Variants in MATK observed in about 807,000 individuals in gnomAD.
MATK encodes megakaryocyte-associated tyrosine-protein kinase.
A neutral mutation model predicts 59.8 loss-of-function variants in MATK; 41 were observed. The observed-to-expected ratio is 0.69, with a 90% CI of 0.53 to 0.89. MATK has a LOEUF of 0.89. Among genes scored for constraint, MATK ranks in the 40% least tolerant of loss-of-function variants. MATK has a pLI of 0.00. For synonymous variants in MATK, 308 were observed against 306.1 expected (o/e 1.01, Z -0.06); for missense variants, 593 against 719.6 (o/e 0.82, Z 2.01).
At chr19:3,790,757 C>T (rs938137398), upstream of MATK, among the ~76,000 whole-genome samples, 15 of 152,232 alleles carry the variant, frequency 9.9e-5, no homozygotes, top group Admixed American at 9.2e-4. Context: ...ACACACAACT[C>T]ATGTGGCACC....
At position 3,779,488 on chromosome 19, in the gene MATK, C is replaced by A. The variant is rs543443761; in HGVS notation, c.928-37G>T. 8.1e-6 allele frequency: 13 copies of A among 1,611,636 alleles called. No individual in the cohort carries two copies. In the African/African-American group the frequency reaches 1.6e-4, roughly 20 times the overall value. On this transcript the variant is annotated intron_variant, in intron 10 of 13. Coordinates refer to ENST00000310132, the MANE Select transcript of MATK (RefSeq NM_139355.3). ...GGGAGATGGCCGCGGGATGTTGGGG[C>A]TGCTCCGCTGCGTGGGCCCCCTCCC...
At chr19:3,784,922 G>T in intron 2 of MATK, 38 bp from the exon 3 acceptor site, 2 of 1,461,736 alleles carry the variant, frequency 1.4e-6, no homozygotes, top group East Asian at 4.9e-5. Flanking sequence ...AGCTGGGCTG[G>T]GACCCACGGT....
intron 7 of MATK, chr19:3,782,858 TG>T: frequency 2.1e-6 from 1 of 483,642 alleles, no homozygotes; most frequent in Non-Finnish European, 3.7e-6. Flanking sequence ...TGCTGGAGGA[TG>T]GGGTGGGTGG....
intron 1 of MATK, among the ~76,000 whole-genome samples, chr19:3,800,697 G>C (rs990265040): frequency 5.9e-5 from 9 of 152,206 alleles, no homozygotes; most frequent in Admixed American, 3.3e-4. Context: ...GTTCACAGTA[G>C]CTGATAATTT....
At chr19:3,782,654 G>A (rs1430021881) in intron 7 of MATK, among the ~76,000 whole-genome samples, 1 of 152,234 alleles carries the variant, frequency 6.6e-6, no homozygotes, top group Non-Finnish European at 1.5e-5. Context: ...AGGTGGTGGA[G>A]CTGCTGGGCC....
chr19:3,794,975 C>CTTTTTTTTTTTTTTTTTT (rs532158792), intron 1 of MATK, among the ~76,000 whole-genome samples: 3 of 107,916 alleles, frequency 2.8e-5, no homozygotes, highest in Non-Finnish European at 5.5e-5. Flanking sequence ...TTTTCTTTTG[C>CTTTTTTTTTTTTTTTTTT]TTTTTTTTTT....
At chr19:3,779,230 C>T in intron 11 of MATK, 43 bp from the exon 12 acceptor site, 1 of 1,548,444 alleles carries the variant, frequency 6.5e-7, no homozygotes, top group Non-Finnish European at 8.7e-7. Flanking sequence ...TGCCAGGATG[C>T]CCACATTCAG....
upstream of MATK, among the ~76,000 whole-genome samples, chr19:3,786,990 G>GCC (rs1352037436): frequency 6.6e-6 from 1 of 152,026 alleles, no homozygotes; most frequent in African/African-American, 2.4e-5. The surrounding 1 kb of genome is among the most constrained non-coding windows in gnomAD (Gnocchi z 4.1). Flanking sequence ...GAGGGTGGGG[G>GCC]CCCCACCCGC....
In MATK at chr19:3,783,144, C is replaced by T. The variant is rs773909929; in HGVS notation, c.658G>A (p.Glu220Lys). ...CCCCTACCCCTGGCCAGCTCCTCCTCGGCCGACTTGGTCCCGTGTTTCCGC... is the reference window on the plus strand; with the variant it reads ...CCCCTACCCCTGGCCAGCTCCTCCTTGGCCGACTTGGTCCCGTGTTTCCGC... ...PKRKHGTKSA[E>K]EELARAGWLL... is the part of the protein sequence containing the mutation. Residue 220 changes from glutamate (E) to lysine (K), a missense_variant, in exon 7 of 14, where the codon GAG becomes AAG. Glu to Lys is a moderately conservative substitution (Grantham distance 56). Transcript: ENST00000310132. 1.4e-5 allele frequency: 22 copies of T among 1,613,918 alleles called. No homozygotes were observed. The highest frequency in any genetic ancestry group is 2.2e-5 in the East Asian group (1 of 44,888).
chr19:3,778,938 C>T (rs1473815637), intron 12 of MATK, 54 bp downstream of exon 12: 10 of 1,483,576 alleles, frequency 6.7e-6, no homozygotes, highest in Middle Eastern at 2.3e-4. Context: ...CAGGGTCATA[C>T]AGCAGAGCTG....
rs749383322 is a variant in MATK at position 3,781,707 on chromosome 19, G to A, written c.677-35C>T. 1.7e-5 allele frequency: 26 copies of A among 1,565,842 alleles called. No homozygotes were observed. In the South Asian group the frequency reaches 2.7e-4, roughly 16 times the overall value. ...GAAGACCCAGTCAGAGGGGTAATGG[G>A]CCCCCTAAATCCTCCCATTGGGGGT... On this transcript the variant is annotated intron_variant, in intron 7 of 13. Coordinates refer to ENST00000310132, the MANE Select transcript of MATK (RefSeq NM_139355.3).
In MATK at chr19:3,795,813, G is replaced by A. The variant is rs149643939; in HGVS notation, c.-58+5719C>T. Among the ~76,000 whole-genome samples the A allele has an allele frequency of 1.4e-3, 198 of 140,488 alleles. 5 individuals are homozygous for A. In the East Asian group the frequency reaches 0.034, roughly 24 times the overall value. 92.2% of individuals were successfully genotyped at this position (140,488 alleles called of 152,430 possible). A position where few individuals can be genotyped will look rare whatever the true frequency, so the allele number is the denominator to read the frequency against. On this transcript the variant is annotated intron_variant, in intron 1 of 13. Coordinates refer to the MATK transcript ENST00000395045. ...ATCTCACTGTTTCGTCCAGGCTGGA[G>A]TGCAGAGGCGTGATCTTGGCTCACT...
chr19:3,781,501 A>T, intron 8 of MATK, 106 bp downstream of exon 8: 1 of 1,185,540 alleles, frequency 8.4e-7, no homozygotes, highest in Non-Finnish European at 1.3e-6. Flanking sequence ...CAGCTGCACA[A>T]CTAGTAGGTG....
At chr19:3,782,789 C>G in intron 7 of MATK, 1 of 360,968 alleles carries the variant, frequency 2.8e-6, no homozygotes, top group East Asian at 6.1e-5. Context: ...TGAGGCTGGG[C>G]TGTGGGGAGG....
At position 3,779,883 on chromosome 19, in the gene MATK, C is replaced by A. The variant is rs191949322; in HGVS notation, c.743-86G>T. On this transcript the variant is annotated intron_variant, in intron 8 of 13. Coordinates refer to ENST00000310132, the MANE Select transcript of MATK (RefSeq NM_139355.3). Reference sequence around the variant, plus strand: ...GACAGACGGACAGGCCCGCTCACACCGGTGCCCATGTAACATTCACACAGC... The same window carrying A: ...GACAGACGGACAGGCCCGCTCACACAGGTGCCCATGTAACATTCACACAGC... 8.4e-5 allele frequency: 69 copies of A among 825,214 alleles called. No homozygotes were observed. In the African/African-American group the frequency reaches 9.7e-4, roughly 12 times the overall value. 51.1% of individuals were successfully genotyped at this position (825,214 alleles called of 1,614,324 possible). A position where few individuals can be genotyped will look rare whatever the true frequency, so the allele number is the denominator to read the frequency against.
intron 1 of MATK, among the ~76,000 whole-genome samples, chr19:3,800,065 C>A (rs1180895273): frequency 3.3e-5 from 5 of 151,348 alleles, no homozygotes; most frequent in Admixed American, 3.3e-4. Flanking sequence ...TGGCGTGAAC[C>A]CGGGAGGCGG....
chr19:3,778,142 C>A lies in MATK; in HGVS notation c.*41G>T. ...CAGTGCCCCCACGCCGCACTCTCCACTCTCTCGGTCCTCTGGGGCCAAGGG... is the reference window on the plus strand; with the variant it reads ...CAGTGCCCCCACGCCGCACTCTCCAATCTCTCGGTCCTCTGGGGCCAAGGG... On this transcript the variant is annotated 3_prime_UTR_variant, in exon 14 of 14. Transcript: ENST00000310132. 2 of 1,527,280 alleles carry A rather than the reference C, an allele frequency of 1.3e-6. No homozygotes were observed. The highest frequency in any genetic ancestry group is 1.8e-4 in the Middle Eastern group (1 of 5,430). The allele number at this position is 1,527,280 out of a possible 1,614,324, so 94.6% of individuals were successfully genotyped here.
At chr19:3,793,881 A>T (rs2037567760) in intron 1 of MATK, among the ~76,000 whole-genome samples, 3 of 152,186 alleles carry the variant, frequency 2.0e-5, no homozygotes, top group Admixed American at 6.5e-5. Flanking sequence ...AATAAATAAA[A>T]AATAAATAAA....
At chr19:3,801,666 G>A in exon 1 of MATK, 1 of 152,454 alleles carries the variant, frequency 6.6e-6, no homozygotes, top group Non-Finnish European at 1.5e-5. Flanking sequence ...CCACCCGCCG[G>A]CCTGCTCCGG....
Sources: gnomAD v4.1 joint callset for allele counts (sites outside exome capture counted in the v4.1 genomes callset) on GRCh38, gnomAD v4.1.1 for gene constraint, Gnocchi (gnomAD v3.1) non-coding constraint, MANE v1.5 for transcripts, NCBI Gene and HGNC (gene_info 2026-07-23, HGNC 2026-07-21) for gene names.